Variants in B4GALT1 observed in about 807,000 individuals in gnomAD.
B4GALT1 encodes the protein beta-1,4-galactosyltransferase 1, also known as N-acetyllactosamine synthase.
A neutral mutation model predicts 34.9 loss-of-function variants in B4GALT1; 16 were observed. The ratio of observed to expected loss-of-function variants is 0.46; its 90% CI spans 0.31 to 0.70. The LOEUF is 0.70. Among genes scored for constraint, B4GALT1 ranks in the 30% least tolerant of loss-of-function variants. B4GALT1 has a pLI of 0.05. For missense variants in B4GALT1, 445 were observed against 530.5 expected (o/e 0.84, Z 1.58); for synonymous variants, 221 against 218.1 (o/e 1.01, Z -0.12).
At chr9:33,132,831 C>T (rs1294392807) in intron 2 of B4GALT1, among the ~76,000 whole-genome samples, 1 of 152,210 alleles carries the variant, frequency 6.6e-6, no homozygotes, top group African/African-American at 2.4e-5. Context: ...ACAGCCACCT[C>T]AGTTCAAAAA....
the B4GALT1 span, among the ~76,000 whole-genome samples, chr9:33,182,651 C>T: frequency 6.6e-5 from 10 of 152,180 alleles, no homozygotes; most frequent in African/African-American, 9.7e-5. Context: ...ATCATTTACA[C>T]AGGACTAATG....
At chr9:33,136,850 G>T (rs2118166597) in intron 1 of B4GALT1, among the ~76,000 whole-genome samples, 1 of 152,294 alleles carries the variant, frequency 6.6e-6, no homozygotes, top group East Asian at 1.9e-4. Flanking sequence ...CAGTGAGCAG[G>T]CTTCAGCCTG....
intron 2 of B4GALT1, 23 bp from the exon 3 acceptor site, chr9:33,120,629 G>T (rs1793340456): frequency 6.2e-7 from 1 of 1,612,822 alleles, no homozygotes; most frequent in Non-Finnish European, 8.5e-7. Flanking sequence ...CAAAAACAGT[G>T]ATATCAAATG....
At chr9:33,165,325 G>T (rs1001244167) in intron 1 of B4GALT1, among the ~76,000 whole-genome samples, 1 of 152,058 alleles carries the variant, frequency 6.6e-6, no homozygotes, top group African/African-American at 2.4e-5. Flanking sequence ...CCCCTGTAAG[G>T]TAATCATCGA....
intron 1 of B4GALT1, among the ~76,000 whole-genome samples, chr9:33,136,404 G>C (rs189620855): frequency 2.0e-5 from 3 of 152,146 alleles, no homozygotes; most frequent in Non-Finnish European, 2.9e-5. Context: ...GCTCTGCTGA[G>C]AGTCAAGAGC....
At chr9:33,147,522 C>A (rs1840446170) in intron 1 of B4GALT1, among the ~76,000 whole-genome samples, 1 of 144,664 alleles carries the variant, frequency 6.9e-6, no homozygotes, top group South Asian at 2.3e-4. Flanking sequence ...GCTGGGATTA[C>A]AGGCATGAGC....
At position 33,112,909 on chromosome 9, in the gene B4GALT1, A is replaced by G. The variant is rs1839884579; in HGVS notation, c.*545T>C. 5.8e-6 allele frequency: 1 copy of G among 172,424 alleles called. No homozygotes were observed. The highest frequency in any genetic ancestry group is 1.3e-5 in the Non-Finnish European group (1 of 79,008). The allele number at this position is 172,424 out of a possible 1,614,324, so 10.7% of individuals were successfully genotyped here. A position where few individuals can be genotyped will look rare whatever the true frequency, so the allele number is the denominator to read the frequency against. On this transcript the variant is annotated 3_prime_UTR_variant, in exon 6 of 6. Transcript: ENST00000379731. ...GCTCAAGTTTTAAAATCCTTTTGCT[A>G]AGAAAAGACATATGCACAGTGATTG... is the stretch of plus-strand genomic sequence containing the variant.
intron 1 of B4GALT1, among the ~76,000 whole-genome samples, chr9:33,150,664 C>T (rs143333698): frequency 6.6e-6 from 1 of 152,090 alleles, no homozygotes; most frequent in Non-Finnish European, 1.5e-5. Context: ...GTGGTAGATA[C>T]ACAAAAATAT....
chr9:33,159,892 C>A (rs534997245), intron 1 of B4GALT1, among the ~76,000 whole-genome samples: 30 of 152,328 alleles, frequency 2.0e-4, no homozygotes, highest in Non-Finnish European at 3.7e-4. Context: ...GCTAAAGAAA[C>A]AAATGGAGAA....
chr9:33,133,799 AAC>A (rs1417462511), intron 2 of B4GALT1, among the ~76,000 whole-genome samples: 3 of 142,284 alleles, frequency 2.1e-5, no homozygotes, highest in African/African-American at 7.3e-5. Context: ...TCACAGGCTT[AAC>A]TCTGACACCT....
chr9:33,170,906 T>C (rs918638721), upstream of B4GALT1, among the ~76,000 whole-genome samples: 1 of 152,226 alleles, frequency 6.6e-6, no homozygotes, highest in East Asian at 1.9e-4. Context: ...GAAGTTGCAG[T>C]GCTGATTGGC....
In B4GALT1 at chr9:33,111,388, G is replaced by A. The variant is rs965484177; in HGVS notation, c.*2066C>T. The A allele has an allele frequency of 1.3e-5, 2 of 152,482 alleles. No individual in the cohort carries two copies. Among genetic ancestry groups the A allele is most frequent in the Non-Finnish European group, 2.9e-5 (2 of 68,034 alleles). The allele number at this position is 152,482 out of a possible 1,614,324, so 9.4% of individuals were successfully genotyped here. A position where few individuals can be genotyped will look rare whatever the true frequency, so the allele number is the denominator to read the frequency against. The stretch of plus-strand genomic sequence containing the variant: ...CACTTTGGAAAAGTCAGGATCTGCG[G>A]ACAGAAAGAGAGGCTTTCATTCTTC... On this transcript the variant is annotated 3_prime_UTR_variant, in exon 6 of 6. Transcript: ENST00000379731.
chr9:33,153,982 G>C (rs1157015524), intron 1 of B4GALT1, among the ~76,000 whole-genome samples: 4 of 135,880 alleles, frequency 2.9e-5, no homozygotes, highest in Non-Finnish European at 6.2e-5. Context: ...GGAGAGGAGG[G>C]GAAAAGAAGG....
chr9:33,160,403 TA>T (rs1416336585), intron 1 of B4GALT1, among the ~76,000 whole-genome samples: 1 of 152,232 alleles, frequency 6.6e-6, no homozygotes, highest in African/African-American at 2.4e-5. Flanking sequence ...GACAGAATCT[TA>T]AATGAAAAAT....
chr9:33,135,071 G>A (rs1035754190), intron 2 of B4GALT1, 118 bp downstream of exon 2: 3 of 1,076,460 alleles, frequency 2.8e-6, no homozygotes, highest in South Asian at 1.3e-5. Flanking sequence ...CTGGTTCCTC[G>A]CTGTAAGTGC....
the B4GALT1 span, among the ~76,000 whole-genome samples, chr9:33,184,259 C>G: frequency 3.3e-5 from 5 of 150,186 alleles, no homozygotes; most frequent in African/African-American, 1.2e-4. Flanking sequence ...CTTGTACACA[C>G]ACACACACAC....
chr9:33,166,933 G>C lies in B4GALT1; in HGVS notation c.237C>G (p.Thr79=), dbSNP rs747184159. The C allele has an allele frequency of 1.3e-6, 2 of 1,571,306 alleles. No individual in the cohort carries two copies. The highest frequency in any genetic ancestry group is 1.7e-6 in the Non-Finnish European group (2 of 1,165,788). ...GAGGAGGCGGCGGCCGGGCCCCTCC[G>C]GTCCGGAGCTCCCCGGAGGACTGCC... ...AIGQSSGELR[T]GGARPPPPLG... is the part of the protein sequence containing the mutation. The change falls in exon 1 of 6, where the codon ACC becomes ACG. Residue 79 remains threonine, a synonymous_variant. Coordinates refer to ENST00000379731, the MANE Select transcript of B4GALT1 (RefSeq NM_001497.4).
chr9:33,110,643 T>TA lies in B4GALT1; in HGVS notation c.*2810dup, dbSNP rs1325939210. The TA allele has an allele frequency of 6.6e-6, 1 of 152,164 alleles. No individual in the cohort carries two copies. Among genetic ancestry groups the TA allele is most frequent in the East Asian group, 1.9e-4 (1 of 5,190 alleles). The allele number at this position is 152,164 out of a possible 1,614,324, so 9.4% of individuals were successfully genotyped here. On this transcript the variant is annotated 3_prime_UTR_variant, in exon 6 of 6. Transcript: ENST00000379731. ...CTGGCAAACAGAAACCACCTGCAGT[T>TA]ACAAAGATAGGGTCATTTATTCACG...
intron 2 of B4GALT1, among the ~76,000 whole-genome samples, chr9:33,105,406 G>T (rs556253809): frequency 6.1e-4 from 93 of 152,288 alleles, no homozygotes; most frequent in African/African-American, 2.2e-3. Flanking sequence ...CTCCCAAAGT[G>T]CTAGGATTAC....
Sources: gnomAD v4.1 joint callset for allele counts (sites outside exome capture counted in the v4.1 genomes callset) on GRCh38, gnomAD v4.1.1 for gene constraint, MANE v1.5 for transcripts, NCBI Gene and HGNC (gene_info 2026-07-23, HGNC 2026-07-21) for gene names.